Variants in USP4 observed in about 807,000 individuals in gnomAD.
The protein encoded by USP4 is ubiquitin carboxyl-terminal hydrolase 4.
USP4 carries 72 observed loss-of-function variants against 118.2 expected under a neutral mutation model. The observed-to-expected ratio is 0.61, with a 90% CI of 0.50 to 0.74. USP4 has a LOEUF of 0.74. Among genes scored for constraint, USP4 ranks in the 30% least tolerant of loss-of-function variants. USP4 has a pLI of 0.00. For missense variants in USP4, 1,037 were observed against 1,185.7 expected (o/e 0.87, Z 1.84); for synonymous variants, 415 against 440.4 (o/e 0.94, Z 0.72).
intron 19 of USP4, 99 bp downstream of exon 19, chr3:49,283,888 A>C (rs2047065452): frequency 1.4e-6 from 2 of 1,449,526 alleles, no homozygotes; most frequent in Non-Finnish European, 1.9e-6. Flanking sequence ...ACACATCCTT[A>C]CTCAGAAAAG....
intron 19 of USP4, among the ~76,000 whole-genome samples, chr3:49,281,483 TATATATATACACACACAC>T (rs1339283719): frequency 4.8e-5 from 5 of 103,606 alleles, no homozygotes; most frequent in Non-Finnish European, 7.8e-5. Context: ...TGTGTATATA[TATATATATACACACACAC>T]ACACACACAC....
chr3:49,295,735 C>CACACACACACACACACACA (rs765943049), intron 13 of USP4, among the ~76,000 whole-genome samples: 1 of 136,358 alleles, frequency 7.3e-6, no homozygotes, highest in African/African-American at 3.5e-5. Context: ...CACACACACA[C>CACACACACACACACACACA]CCCCCCCTCC....
chr3:49,302,899 T>C (rs1411494993), intron 9 of USP4, among the ~76,000 whole-genome samples: 1 of 152,148 alleles, frequency 6.6e-6, no homozygotes, highest in Non-Finnish European at 1.5e-5. Flanking sequence ...TTACAAACAA[T>C]ACTTTCATCA....
At chr3:49,329,133 C>T (rs983900666) in intron 2 of USP4, among the ~76,000 whole-genome samples, 3 of 151,918 alleles carry the variant, frequency 2.0e-5, no homozygotes, top group Non-Finnish European at 4.4e-5. Flanking sequence ...GCCAAGATTG[C>T]GCCACTGCAC....
At chr3:49,300,431 C>T (rs766296744) in intron 11 of USP4, 36 bp downstream of exon 11, 1 of 1,590,212 alleles carries the variant, frequency 6.3e-7, no homozygotes, top group Non-Finnish European at 8.6e-7. Context: ...AGACCACTTG[C>T]AGTGAGGGGT....
intron 8 of USP4, 109 bp from the exon 9 acceptor site, chr3:49,305,997 C>T (rs1018891982): frequency 3.3e-5 from 37 of 1,123,130 alleles, no homozygotes; most frequent in Non-Finnish European, 4.4e-5. Context: ...CAAAATGAGG[C>T]ACTCAGGAGA....
At chr3:49,281,109 T>C (rs529732514) in intron 19 of USP4, among the ~76,000 whole-genome samples, 21 of 151,806 alleles carry the variant, frequency 1.4e-4, no homozygotes, top group Non-Finnish European at 2.9e-4. Flanking sequence ...TCACCTGAGA[T>C]CAGGAGTTCG....
At chr3:49,285,373 G>C (rs1044948078) in intron 16 of USP4, among the ~76,000 whole-genome samples, 1 of 152,126 alleles carries the variant, frequency 6.6e-6, no homozygotes, top group Non-Finnish European at 1.5e-5. Flanking sequence ...ACTTAGCATA[G>C]GGGAGAGAGG....
chr3:49,302,572 A>G lies in USP4; in HGVS notation c.1129-30T>C, dbSNP rs570276638. On this transcript the variant is annotated intron_variant, in intron 9 of 21. Coordinates refer to ENST00000265560, the MANE Select transcript of USP4 (RefSeq NM_003363.4). ...AACAAAAGCAACTGTATCAGAAGGC[A>G]TAATACGTAAAGAACTAGTTAAATC... 1.9e-5 allele frequency: 31 copies of G among 1,603,874 alleles called. No homozygotes were observed. The East Asian group carries it at 6.5e-4, about 33-fold the overall frequency.
At chr3:49,333,765 T>C (rs1369068241) in intron 2 of USP4, among the ~76,000 whole-genome samples, 1 of 152,154 alleles carries the variant, frequency 6.6e-6, no homozygotes, top group Non-Finnish European at 1.5e-5. Context: ...TGGCTGGGCA[T>C]GGTGGCTCAT....
intron 2 of USP4, among the ~76,000 whole-genome samples, chr3:49,332,283 C>G (rs1031550640): frequency 6.6e-6 from 1 of 151,646 alleles, no homozygotes; most frequent in Admixed American, 6.6e-5. Flanking sequence ...TCTTACAAAA[C>G]AAACAAACAA....
At chr3:49,287,436 G>A (rs1161140308) in intron 15 of USP4, among the ~76,000 whole-genome samples, 2 of 151,948 alleles carry the variant, frequency 1.3e-5, no homozygotes, top group Admixed American at 6.6e-5. Flanking sequence ...TTACAGGTGC[G>A]AGCCACTGCA....
Position 49,335,453 on chromosome 3 carries a change from G to T in USP4, c.229+16C>A. On this transcript the variant is annotated intron_variant, in intron 2 of 21. Coordinates refer to ENST00000265560, the MANE Select transcript of USP4 (RefSeq NM_003363.4). The stretch of plus-strand genomic sequence containing the variant: ...CCCAGGTGAATGTTTAGCTAGAAAA[G>T]CAACATTTACTATACCTGAAAATAG... 1.9e-6 allele frequency: 3 copies of T among 1,614,096 alleles called. No individual in the cohort carries two copies. Among genetic ancestry groups the T allele is most frequent in the Non-Finnish European group, 1.7e-6 (2 of 1,180,006 alleles).
rs2047533645 is a variant in USP4 at position 49,324,714 on chromosome 3, G to A, written c.683C>T (p.Thr228Ile). The A allele has an allele frequency of 1.9e-6, 3 of 1,614,168 alleles. No homozygotes were observed. Among genetic ancestry groups the A allele is most frequent in the Non-Finnish European group, 2.5e-6 (3 of 1,180,014 alleles). ...AAAATTCACTTACTTTGACTGCAAG[G>A]TCTGCCTGGGCCATGTGCCATCTTC... ...QNEDGTWPRQ[T>I]LQSKSSTAPS... is the part of the protein sequence containing the mutation. The change falls in exon 6 of 22, where the codon ACC (threonine) becomes ATC (isoleucine). Residue 228 changes from threonine (T) to isoleucine (I), a missense_variant. Around this residue, in one of 3 missense-constraint regions of USP4, gnomAD observed 487 missense variants for 534.1 expected, o/e 0.91. Transcript: ENST00000265560.
chr3:49,287,878 G>T, intron 15 of USP4, among the ~76,000 whole-genome samples: 1 of 152,094 alleles, frequency 6.6e-6, no homozygotes, highest in Non-Finnish European at 1.5e-5. Flanking sequence ...TTAGGTGCAG[G>T]TACCATGCTA....
rs149459963 is a variant in USP4, at chr3:49,295,714, G to GCGCGCACACACACACACA, written c.1692-1117_1692-1116insTGTGTGTGTGTGTGCGCG. Among the ~76,000 whole-genome samples, 87 of 148,406 alleles carry GCGCGCACACACACACACA rather than the reference G, an allele frequency of 5.9e-4. 1 individual carries two copies. The highest frequency in any genetic ancestry group is 2.0e-3 in the African/African-American group (78 of 38,468). On this transcript the variant is annotated intron_variant, in intron 13 of 21. Coordinates refer to ENST00000265560, the MANE Select transcript of USP4 (RefSeq NM_003363.4). Reference sequence around the variant, plus strand: ...CATATGCACGTGTGCGCGCGCGCGCGCACACACACACACACACACACCCCC... The same window carrying GCGCGCACACACACACACA: ...CATATGCACGTGTGCGCGCGCGCGCGCGCGCACACACACACACACACACACACACACACACACACCCCC...
Position 49,340,038 on chromosome 3 carries a change from C to T in USP4, c.-14G>A. On this transcript the variant is annotated 5_prime_UTR_variant, in exon 1 of 22. Transcript: ENST00000265560. ...ACCTTCCGCCATCTCCTCCGCGGCC[C>T]CGGCCCAGCCGGCCCGGACATCCGC... The T allele has an allele frequency of 1.9e-6, 3 of 1,600,168 alleles. No individual in the cohort carries two copies. Among genetic ancestry groups the T allele is most frequent in the Non-Finnish European group, 2.5e-6 (3 of 1,177,878 alleles).
chr3:49,311,072 T>C (rs2047377008), intron 7 of USP4, among the ~76,000 whole-genome samples: 1 of 152,206 alleles, frequency 6.6e-6, no homozygotes, highest in African/African-American at 2.4e-5. Context: ...CACCCAGGCT[T>C]GACTGGCCCT....
chr3:49,325,730 G>C lies in USP4; in HGVS notation c.476C>G (p.Ala159Gly). The change falls in exon 4 of 22, where the codon GCA becomes GGA. Residue 159 changes from alanine (A) to glycine (G), a missense_variant. Ala to Gly is a moderately conservative substitution (Grantham distance 60). Coordinates refer to ENST00000265560, the MANE Select transcript of USP4 (RefSeq NM_003363.4). Reference sequence around the variant, plus strand: ...GCCCAGCCTCTCACCAATGGTGTCTGCCTTGCTGAAATGGCAACTCAGCAC... The same window carrying C: ...GCCCAGCCTCTCACCAATGGTGTCTCCCTTGCTGAAATGGCAACTCAGCAC... The part of the protein sequence containing the change: ...TNVLSCHFSK[A>G]DTIATIEKEM... The C allele has an allele frequency of 6.2e-7, 1 of 1,613,642 alleles. No individual in the cohort carries two copies.
Sources: gnomAD v4.1 joint callset for allele counts (sites outside exome capture counted in the v4.1 genomes callset) on GRCh38, gnomAD v4.1.1 for gene constraint, gnomAD v4.1.1 regional missense constraint, MANE v1.5 for transcripts, NCBI Gene and HGNC (gene_info 2026-07-23, HGNC 2026-07-21) for gene names.